The following FILIP1 variants were observed in gnomAD, a reference collection of about 807,000 sequenced individuals.
The protein encoded by FILIP1 is filamin-A-interacting protein 1.
A neutral mutation model predicts 102.1 loss-of-function variants in FILIP1; 61 were observed. That is an observed-to-expected ratio of 0.60 (90% confidence interval 0.49 to 0.74). The LOEUF (loss-of-function observed/expected upper bound fraction) is 0.74. Ranked by LOEUF, FILIP1 falls within the 30% of genes least tolerant of loss-of-function variation. The pLI, the probability that FILIP1 is intolerant of heterozygous loss-of-function variation, is 0.00. For missense variants in FILIP1, 1,314 were observed against 1,441.2 expected (o/e 0.91, Z 1.43); for synonymous variants, 491 against 526.9 (o/e 0.93, Z 0.93).
At chr6:75,365,314 AG>A (rs1775292150) in intron 2 of FILIP1, among the ~76,000 whole-genome samples, 2 of 152,270 alleles carry the variant, frequency 1.3e-5, no homozygotes, top group East Asian at 3.9e-4. Context: ...AGGGCTTAGA[AG>A]ACAGGGTAGT....
At chr6:75,310,256 CT>C (rs1773136338) in intron 5 of FILIP1, among the ~76,000 whole-genome samples, 1 of 152,366 alleles carries the variant, frequency 6.6e-6, no homozygotes, top group East Asian at 1.9e-4. Context: ...GAAACCTCCA[CT>C]TCTGTGAAGC....
intron 6 of FILIP1, among the ~76,000 whole-genome samples, chr6:75,297,836 A>C (rs1772724020): frequency 6.6e-6 from 1 of 152,240 alleles, no homozygotes; most frequent in African/African-American, 2.4e-5. Flanking sequence ...TAAAGAGTGA[A>C]ATCAGAATTG....
At chr6:75,451,845 A>T (rs192625771) in intron 1 of FILIP1, among the ~76,000 whole-genome samples, 1,643 of 152,158 alleles carry the variant, frequency 0.011, 26 homozygotes, top group African/African-American at 0.037. Flanking sequence ...AAAAAAATTT[A>T]AAAAAAAGAA....
chr6:75,469,123 G>A (rs1779259911), intron 1 of FILIP1, among the ~76,000 whole-genome samples: 1 of 151,918 alleles, frequency 6.6e-6, no homozygotes, highest in South Asian at 2.1e-4. Flanking sequence ...CTAGATAAGT[G>A]TTGATTTTTT....
intron 2 of FILIP1, among the ~76,000 whole-genome samples, chr6:75,396,935 C>T (rs1582443699): frequency 6.8e-6 from 1 of 146,736 alleles, no homozygotes; most frequent in South Asian, 2.1e-4. Flanking sequence ...AGTCATGTTA[C>T]GTTCTCACTC....
chr6:75,313,190 G>C lies in FILIP1; in HGVS notation c.2642C>G (p.Ser881Cys). 1 of 1,614,158 alleles carries C rather than the reference G, an allele frequency of 6.2e-7. No individual in the cohort carries two copies. The highest frequency in any genetic ancestry group is 8.5e-7 in the Non-Finnish European group (1 of 1,180,044). Residue 881 changes from serine (S) to cysteine (C), a missense_variant, in exon 5 of 6, where the codon TCC (serine) becomes TGC (cysteine). Coordinates refer to ENST00000237172, the MANE Select transcript of FILIP1 (RefSeq NM_015687.5). This position sits in a 1 kb window ranked among gnomAD's most constrained non-coding sequence, Gnocchi z 4.2. Reference sequence around the variant, plus strand: ...TCGGGGCCCTTTCTCCTGAGTGATGGAGGGGCCGTTTTCCCTCTTTCTCAT... The same window carrying C: ...TCGGGGCCCTTTCTCCTGAGTGATGCAGGGGCCGTTTTCCCTCTTTCTCAT... ...PWMRKRENGPSITQEKGPRTN... is the reference protein window; with the variant it reads ...PWMRKRENGPCITQEKGPRTN...
chr6:75,318,541 T>G (rs1773524334), intron 4 of FILIP1, among the ~76,000 whole-genome samples: 1 of 152,270 alleles, frequency 6.6e-6, no homozygotes, highest in Non-Finnish European at 1.5e-5. Flanking sequence ...TGGCCCAGTT[T>G]TCTTTTATAA....
intron 1 of FILIP1, chr6:75,455,395 A>C (rs887434694): frequency 3.9e-5 from 6 of 151,914 alleles, no homozygotes; most frequent in African/African-American, 1.5e-4. Flanking sequence ...TTTTCATGGT[A>C]TGAAATGTAT....
At chr6:75,295,905 C>T in exon 7 of FILIP1, 1 of 1,453,432 alleles carries the variant, frequency 6.9e-7, no homozygotes, top group Non-Finnish European at 9.0e-7. Context: ...GCTTGGTTTA[C>T]CATTTCATCT....
At chr6:75,375,324 C>A (rs1386499258) in intron 2 of FILIP1, among the ~76,000 whole-genome samples, 2 of 152,210 alleles carry the variant, frequency 1.3e-5, no homozygotes, top group Non-Finnish European at 2.9e-5. Flanking sequence ...TAGACATCAG[C>A]CTGAGCAGCC....
intron 2 of FILIP1, among the ~76,000 whole-genome samples, chr6:75,386,966 T>C (rs898570425): frequency 6.6e-6 from 1 of 152,026 alleles, no homozygotes; most frequent in African/African-American, 2.4e-5. Context: ...CTACATTAGG[T>C]ATTTTGCCTA....
intron 2 of FILIP1, among the ~76,000 whole-genome samples, chr6:75,374,418 G>A (rs1363908009): frequency 1.3e-5 from 2 of 152,058 alleles, no homozygotes; most frequent in African/African-American, 4.8e-5. Context: ...TTGCTCTGTC[G>A]CCCAGGCTGG....
intron 1 of FILIP1, among the ~76,000 whole-genome samples, chr6:75,428,089 A>G (rs1305422993): frequency 5.3e-5 from 8 of 152,188 alleles, no homozygotes. Flanking sequence ...AGAACACAGC[A>G]GACATATCTT....
At chr6:75,474,051 T>C (rs895722820) in intron 1 of FILIP1, among the ~76,000 whole-genome samples, 1 of 152,214 alleles carries the variant, frequency 6.6e-6, no homozygotes, top group Non-Finnish European at 1.5e-5. Flanking sequence ...TCAGCTCTTT[T>C]CCTTATTAAA....
intron 2 of FILIP1, among the ~76,000 whole-genome samples, chr6:75,414,166 C>A (rs2149686914): frequency 6.6e-6 from 1 of 150,938 alleles, no homozygotes; most frequent in East Asian, 1.9e-4. Context: ...TTGTGTGCAT[C>A]TCAATTCCTA....
chr6:75,345,327 C>G (rs903397291), intron 4 of FILIP1, among the ~76,000 whole-genome samples: 1 of 150,420 alleles, frequency 6.6e-6, no homozygotes, highest in Non-Finnish European at 1.5e-5. Flanking sequence ...TAAGGTTTTC[C>G]TTTTAATGAA....
chr6:75,304,125 C>T (rs1772917368), downstream of FILIP1, among the ~76,000 whole-genome samples: 1 of 152,046 alleles, frequency 6.6e-6, no homozygotes, highest in South Asian at 2.1e-4. Context: ...AACAATTATT[C>T]TTTTGAAGGG....
chr6:75,365,009 A>G (rs778576375), intron 2 of FILIP1, among the ~76,000 whole-genome samples: 20 of 152,296 alleles, frequency 1.3e-4, no homozygotes, highest in African/African-American at 3.4e-4. Flanking sequence ...AAAATTTAGA[A>G]TCACATTTAA....
chr6:75,492,265 C>A (rs1177225404), intron 1 of FILIP1, among the ~76,000 whole-genome samples: 1 of 152,076 alleles, frequency 6.6e-6, no homozygotes, highest in Admixed American at 6.6e-5. Flanking sequence ...AAAAGAAGAT[C>A]ATTTTCTGAA....
Sources: allele counts gnomAD v4.1 joint callset (sites outside exome capture counted in the v4.1 genomes callset), GRCh38; gene constraint gnomAD v4.1.1; non-coding constraint Gnocchi (gnomAD v3.1); transcripts MANE v1.5; gene names NCBI Gene and HGNC (gene_info 2026-07-23, HGNC 2026-07-21).